The following RNF150 variants were observed in gnomAD, a reference collection of about 807,000 sequenced individuals.
RNF150 encodes ring finger protein 150.
RNF150 carries 24 observed loss-of-function variants against 39.3 expected under a neutral mutation model. That is an observed-to-expected ratio of 0.61 (90% CI 0.44 to 0.86). The LOEUF (loss-of-function observed/expected upper bound fraction) is 0.86, where lower values mean the gene tolerates loss of function less well. Ranked by LOEUF, RNF150 falls within the 40% of genes least tolerant of loss-of-function variation. The pLI is 0.00. For missense variants in RNF150, 502 were observed against 587.8 expected (o/e 0.85, Z 1.51); for synonymous variants, 255 against 227.3 (o/e 1.12, Z -1.10).
At chr4:140,912,254 G>T (rs1451900323) in intron 5 of RNF150, among the ~76,000 whole-genome samples, 2 of 152,174 alleles carry the variant, frequency 1.3e-5, no homozygotes, top group African/African-American at 4.8e-5. Flanking sequence ...TCCACAAACA[G>T]CTTTTCAAAT....
intron 1 of RNF150, among the ~76,000 whole-genome samples, chr4:141,148,809 T>C (rs911120737): frequency 6.6e-6 from 1 of 152,170 alleles, no homozygotes; most frequent in African/African-American, 2.4e-5. Flanking sequence ...GTCTAATCCA[T>C]TCCATTTTCA....
At chr4:141,127,374 T>C (rs916191293) in intron 1 of RNF150, among the ~76,000 whole-genome samples, 3 of 152,194 alleles carry the variant, frequency 2.0e-5, no homozygotes, top group Admixed American at 2.0e-4. Flanking sequence ...GCTAATCTTA[T>C]CACTTAAAGG....
intron 1 of RNF150, among the ~76,000 whole-genome samples, chr4:140,999,956 AG>A (rs201537495): frequency 0.03 from 1,171 of 38,880 alleles, 134 homozygotes; most frequent in African/African-American, 0.056. Context: ...AAGAAGAAGA[AG>A]AAGAAGAAGA....
chr4:141,211,544 A>G (rs992839158), intron 1 of RNF150, among the ~76,000 whole-genome samples: 1 of 152,176 alleles, frequency 6.6e-6, no homozygotes, highest in African/African-American at 2.4e-5. Flanking sequence ...CCATTAATGT[A>G]CTTTAATTCG....
chr4:140,961,995 T>C (rs1733043946), intron 2 of RNF150, among the ~76,000 whole-genome samples: 1 of 151,862 alleles, frequency 6.6e-6, no homozygotes, highest in Non-Finnish European at 1.5e-5. Context: ...TTGCTTAAAT[T>C]ATCACAGGCC....
intron 1 of RNF150, among the ~76,000 whole-genome samples, chr4:140,975,393 G>C (rs1455898609): frequency 1.3e-5 from 2 of 152,198 alleles, no homozygotes; most frequent in East Asian, 1.9e-4. Flanking sequence ...GCAGGTATCT[G>C]CAGGTGGTCC....
At chr4:141,027,036 T>C (rs1326421668) in intron 1 of RNF150, among the ~76,000 whole-genome samples, 1 of 152,164 alleles carries the variant, frequency 6.6e-6, no homozygotes, top group Non-Finnish European at 1.5e-5. Context: ...TTACAGCGAC[T>C]TTTCTAGGGG....
At chr4:141,092,354 A>G (rs201754970) in intron 1 of RNF150, among the ~76,000 whole-genome samples, 2 of 149,634 alleles carry the variant, frequency 1.3e-5, no homozygotes, top group Admixed American at 6.7e-5. Flanking sequence ...AAAAAAAAAA[A>G]GGAAAAAACT....
chr4:141,103,940 AC>A (rs1389876227), intron 1 of RNF150, among the ~76,000 whole-genome samples: 11 of 152,348 alleles, frequency 7.2e-5, no homozygotes, highest in African/African-American at 2.2e-4. Context: ...AAAGGGCAAG[AC>A]AGTAATATTG....
rs1728516581 is a variant in RNF150 at position 140,862,169 on chromosome 4, G to C, written c.*6092C>G. 6.6e-6 allele frequency: 1 copy of C among 152,078 alleles called. No individual in the cohort carries two copies. Among genetic ancestry groups the C allele is most frequent in the Admixed American group, 6.6e-5 (1 of 15,254 alleles). 9.4% of individuals were successfully genotyped at this position (152,078 alleles called of 1,614,324 possible). ...GATATTCTGCCAAGCAATGACTTTG[G>C]GTAATTGAGATTAAGCGACCTTCTC... On this transcript the variant is annotated 3_prime_UTR_variant, in exon 7 of 7. Coordinates refer to ENST00000515673, the MANE Select transcript of RNF150 (RefSeq NM_020724.2).
At chr4:141,014,209 T>C (rs1166681464) in intron 1 of RNF150, among the ~76,000 whole-genome samples, 1 of 152,238 alleles carries the variant, frequency 6.6e-6, no homozygotes, top group Non-Finnish European at 1.5e-5. Flanking sequence ...ATTATGTACA[T>C]ATATGCAATA....
At chr4:140,917,171 G>C (rs924404343) in intron 5 of RNF150, among the ~76,000 whole-genome samples, 2 of 152,108 alleles carry the variant, frequency 1.3e-5, no homozygotes, top group African/African-American at 4.8e-5. Flanking sequence ...CACAACAACA[G>C]GATCAAATTC....
At chr4:140,873,566 G>A (rs1390107212) in intron 6 of RNF150, among the ~76,000 whole-genome samples, 1 of 152,182 alleles carries the variant, frequency 6.6e-6, no homozygotes, top group African/African-American at 2.4e-5. Context: ...AGTATTACTG[G>A]ATTGGCTGGG....
intron 4 of RNF150, among the ~76,000 whole-genome samples, chr4:140,943,913 TA>T (rs1418341401): frequency 2.0e-5 from 3 of 152,346 alleles, no homozygotes; most frequent in Admixed American, 2.0e-4. Flanking sequence ...GCTATAGGGA[TA>T]AATTAGAGAT....
Position 141,046,181 on chromosome 4 carries a change from A to T in RNF150, c.485-78308T>A, listed in dbSNP as rs547448362. Among the ~76,000 whole-genome samples, 3 of 152,314 alleles carry T rather than the reference A, an allele frequency of 2.0e-5. No homozygotes were observed. The South Asian group carries it at 6.2e-4, about 32-fold the overall frequency. ...AGATTCAGCTTGACAAACAAAAGGTAGTCAAATACAAGCTTGGTCTGACTG... is the reference window on the plus strand; with the variant it reads ...AGATTCAGCTTGACAAACAAAAGGTTGTCAAATACAAGCTTGGTCTGACTG... On this transcript the variant is annotated intron_variant, in intron 1 of 6. Coordinates refer to ENST00000515673, the MANE Select transcript of RNF150 (RefSeq NM_020724.2).
intron 1 of RNF150, among the ~76,000 whole-genome samples, chr4:141,016,134 T>C (rs1735263170): frequency 6.6e-6 from 1 of 152,204 alleles, no homozygotes; most frequent in African/African-American, 2.4e-5. Flanking sequence ...GTCCATTTCT[T>C]TTTACTGCGT....
At chr4:140,901,118 T>A (rs894821030) in intron 6 of RNF150, among the ~76,000 whole-genome samples, 10 of 152,260 alleles carry the variant, frequency 6.6e-5, no homozygotes, top group African/African-American at 2.4e-4. Flanking sequence ...AAAAGCTGCA[T>A]TTAAGTCTTC....
intron 4 of RNF150, among the ~76,000 whole-genome samples, chr4:140,928,836 G>A (rs951255738): frequency 6.6e-6 from 1 of 152,126 alleles, no homozygotes; most frequent in Non-Finnish European, 1.5e-5. Context: ...GTGAGCCACC[G>A]CGCCCGGCCC....
chr4:140,988,484 A>AAT (rs777499889), intron 1 of RNF150, among the ~76,000 whole-genome samples: 28 of 151,640 alleles, frequency 1.8e-4, no homozygotes, highest in East Asian at 9.7e-4. Flanking sequence ...AATATTCACA[A>AAT]ATATATATAT....
Sources: gnomAD v4.1 joint callset for allele counts (sites outside exome capture counted in the v4.1 genomes callset) on GRCh38, gnomAD v4.1.1 for gene constraint, MANE v1.5 for transcripts, NCBI Gene and HGNC (gene_info 2026-07-23, HGNC 2026-07-21) for gene names.